The following ATG10 variants were observed in gnomAD, a reference collection of about 807,000 sequenced individuals.
The protein encoded by ATG10 is autophagy related 10.
Under a neutral mutation model 32.1 loss-of-function variants are expected in ATG10, and 30 were observed. That is an observed-to-expected ratio of 0.94 (90% CI 0.70 to 1.27). The LOEUF is 1.27. Among genes scored for constraint, ATG10 ranks in the 50% most tolerant of loss-of-function variants. The probability of loss-of-function intolerance (pLI) is 0.00; values close to 1 mark genes in which losing one functional copy is unlikely to be tolerated. For synonymous variants in ATG10, 87 were observed against 91.5 expected, an observed-to-expected ratio of 0.95 and a Z score of 0.28; for missense variants, 233 against 262.3, an observed-to-expected ratio of 0.89 and a Z score of 0.77.
chr5:82,033,764 G>A lies in ATG10; in HGVS notation c.109-24731G>A, dbSNP rs569885530. 1.1e-3 allele frequency among the ~76,000 whole-genome samples: 167 copies of A among 150,334 alleles called. 2 individuals are homozygous for A. Among genetic ancestry groups the A allele is most frequent in the Admixed American group, 2.3e-3 (34 of 15,110 alleles). Reference sequence around the variant, plus strand: ...CACACACACACACACACACACATATGTGTGTATATATACGTGTATGTTTGT... The same window carrying A: ...CACACACACACACACACACACATATATGTGTATATATACGTGTATGTTTGT... On this transcript the variant is annotated intron_variant, in intron 2 of 7. Transcript: ENST00000282185.
chr5:82,114,192 C>T lies in ATG10; in HGVS notation c.217-50207C>T, dbSNP rs540395856. Among the ~76,000 whole-genome samples the T allele has an allele frequency of 7.9e-5, 12 of 152,028 alleles. No homozygotes were observed. The East Asian group carries it at 2.1e-3, about 27-fold the overall frequency. On this transcript the variant is annotated intron_variant, in intron 3 of 7. Coordinates refer to ENST00000282185, the MANE Select transcript of ATG10 (RefSeq NM_031482.5). ...GGACTGTGGTTCTTATTTATAATGA[C>T]TTACTTACAAATATCTTATATGTAT...
chr5:82,238,775 T>C (rs192999544), intron 5 of ATG10, among the ~76,000 whole-genome samples: 211 of 152,176 alleles, frequency 1.4e-3, no homozygotes, highest in African/African-American at 4.7e-3. Context: ...AAAAAACATA[T>C]GGAGTAACAA....
At chr5:82,063,050 G>A (rs184755524) in intron 3 of ATG10, among the ~76,000 whole-genome samples, 108 of 152,142 alleles carry the variant, frequency 7.1e-4, no homozygotes, top group African/African-American at 2.5e-3. Context: ...CAGGTATGGT[G>A]GCTCACACCT....
intron 2 of ATG10, among the ~76,000 whole-genome samples, chr5:81,999,010 C>G (rs1428195860): frequency 5.9e-5 from 9 of 152,048 alleles, no homozygotes; most frequent in Non-Finnish European, 1.2e-4. Context: ...GGGACCTGAA[C>G]TCAACACTTG....
At chr5:82,000,648 T>C (rs1441599567) in intron 2 of ATG10, among the ~76,000 whole-genome samples, 1 of 150,460 alleles carries the variant, frequency 6.6e-6, no homozygotes, top group Non-Finnish European at 1.5e-5. Flanking sequence ...TGTACAAAAA[T>C]CAGTAGCATT....
At chr5:82,107,433 TGTG>T (rs1765477181) in intron 3 of ATG10, among the ~76,000 whole-genome samples, 1 of 152,068 alleles carries the variant, frequency 6.6e-6, no homozygotes, top group South Asian at 2.1e-4. Flanking sequence ...TTTACTTCTT[TGTG>T]GTGTTATTGT....
At position 82,111,214 on chromosome 5, in the gene ATG10, T is replaced by A. The variant is rs147787010; in HGVS notation, c.216+52612T>A. 1.2e-4 allele frequency among the ~76,000 whole-genome samples: 18 copies of A among 152,148 alleles called. No individual in the cohort carries two copies. In the East Asian group the frequency reaches 3.5e-3, roughly 29 times the overall value. Reference sequence around the variant, plus strand: ...AGTCCTATAGTTGTTTTAATTCTAATTCTATATTTAACTGGATTAGTCCTC... The same window carrying A: ...AGTCCTATAGTTGTTTTAATTCTAAATCTATATTTAACTGGATTAGTCCTC... On this transcript the variant is annotated intron_variant, in intron 3 of 7. Coordinates refer to ENST00000282185, the MANE Select transcript of ATG10 (RefSeq NM_031482.5).
rs566348304 is a variant in ATG10 at position 82,108,005 on chromosome 5, T to C, written c.216+49403T>C. On this transcript the variant is annotated intron_variant, in intron 3 of 7. Coordinates refer to ENST00000282185, the MANE Select transcript of ATG10 (RefSeq NM_031482.5). Reference sequence around the variant, plus strand: ...GGCCTGAGGCTAGATAGAACCTGGTTGATAGAGGGGTTATGTACTGGGAGG... The same window carrying C: ...GGCCTGAGGCTAGATAGAACCTGGTCGATAGAGGGGTTATGTACTGGGAGG... Among the ~76,000 whole-genome samples, 108 of 152,064 alleles carry C rather than the reference T, an allele frequency of 7.1e-4. 1 individual carries two copies. The highest frequency in any genetic ancestry group is 2.5e-3 in the African/African-American group (104 of 41,508).
intron 3 of ATG10, among the ~76,000 whole-genome samples, chr5:82,070,189 G>C (rs920841111): frequency 6.6e-6 from 1 of 152,238 alleles, no homozygotes; most frequent in African/African-American, 2.4e-5. Flanking sequence ...AGGCTGTCCC[G>C]ATGGATGCCT....
At chr5:82,211,553 T>C (rs1416984351) in intron 5 of ATG10, among the ~76,000 whole-genome samples, 1 of 152,208 alleles carries the variant, frequency 6.6e-6, no homozygotes. Context: ...AATATTTCTT[T>C]TAGCTATTGT....
At chr5:82,047,533 G>A (rs1044745125) in intron 2 of ATG10, among the ~76,000 whole-genome samples, 4 of 152,138 alleles carry the variant, frequency 2.6e-5, no homozygotes, top group African/African-American at 9.7e-5. Flanking sequence ...TGATAAACAG[G>A]CTGTGGAAGA....
chr5:82,113,136 A>G (rs556007439), intron 3 of ATG10, among the ~76,000 whole-genome samples: 1 of 152,016 alleles, frequency 6.6e-6, no homozygotes, highest in Non-Finnish European at 1.5e-5. Context: ...GTTTGTTGAC[A>G]TATTGCAATC....
At chr5:82,115,545 G>A (rs1052659832) in intron 3 of ATG10, among the ~76,000 whole-genome samples, 1 of 152,038 alleles carries the variant, frequency 6.6e-6, no homozygotes, top group Non-Finnish European at 1.5e-5. Flanking sequence ...CTCGCCTTTT[G>A]ACCAGATTCA....
intron 5 of ATG10, among the ~76,000 whole-genome samples, chr5:82,244,487 T>C (rs1176751003): frequency 6.6e-6 from 1 of 152,126 alleles, no homozygotes; most frequent in Non-Finnish European, 1.5e-5. Flanking sequence ...CTTAATACGG[T>C]GCCTGATACT....
chr5:82,145,591 A>C (rs1004115405), intron 3 of ATG10, among the ~76,000 whole-genome samples: 3 of 152,190 alleles, frequency 2.0e-5, no homozygotes, highest in Admixed American at 1.3e-4. Context: ...ATGTATACAC[A>C]TTATGAACCT....
At chr5:82,088,766 TTTC>T (rs1236228478) in intron 3 of ATG10, among the ~76,000 whole-genome samples, 1 of 152,162 alleles carries the variant, frequency 6.6e-6, no homozygotes, top group African/African-American at 2.4e-5. Context: ...TGGGGTAAGC[TTTC>T]TTCTCTCCAT....
chr5:82,028,578 T>A (rs1762657266), intron 2 of ATG10, among the ~76,000 whole-genome samples: 1 of 152,218 alleles, frequency 6.6e-6, no homozygotes, highest in Admixed American at 6.5e-5. Flanking sequence ...CACACTCTGA[T>A]GTGTCTAAAT....
intron 2 of ATG10, among the ~76,000 whole-genome samples, chr5:82,030,135 A>G (rs985981601): frequency 1.3e-5 from 2 of 152,104 alleles, no homozygotes; most frequent in Non-Finnish European, 2.9e-5. Context: ...TGGATGCTAC[A>G]TACAGTAGGG....
intron 3 of ATG10, among the ~76,000 whole-genome samples, chr5:82,087,603 G>C (rs1764734949): frequency 6.6e-6 from 1 of 152,086 alleles, no homozygotes; most frequent in Non-Finnish European, 1.5e-5. Flanking sequence ...TCTATGTGCT[G>C]GTGATATAGT....
Sources: gnomAD v4.1 joint callset for allele counts (sites outside exome capture counted in the v4.1 genomes callset) on GRCh38, gnomAD v4.1.1 for gene constraint, MANE v1.5 for transcripts, NCBI Gene and HGNC (gene_info 2026-07-23, HGNC 2026-07-21) for gene names.